Variants in NEBL observed in about 807,000 individuals in gnomAD.
NEBL encodes the protein nebulette, also known as LIM and SH3 protein 2.
NEBL carries 122 observed loss-of-function variants against 140.2 expected under a neutral mutation model. The observed-to-expected ratio is 0.87, with a 90% CI of 0.75 to 1.01. The LOEUF is 1.01. Among genes scored for constraint, NEBL ranks in the 50% least tolerant of loss-of-function variants. The pLI is 0.00. For missense variants in NEBL, 1,365 were observed against 1,231.3 expected (o/e 1.11, Z -1.62); for synonymous variants, 436 against 398.9 (o/e 1.09, Z -1.11).
intron 2 of NEBL, chr10:21,028,931 A>T: frequency 2.1e-6 from 1 of 471,074 alleles, no homozygotes; most frequent in Non-Finnish European, 3.7e-6. Flanking sequence ...AATTCCACTA[A>T]AAAATAGCTA....
chr10:21,174,048 G>A (rs374859608), exon 1 of NEBL: 16 of 1,123,586 alleles, frequency 1.4e-5, no homozygotes, highest in Non-Finnish European at 1.7e-5. Flanking sequence ...GCTCGCAGGC[G>A]CTGGGTCTCG....
At chr10:21,015,598 A>C (rs947911237) in intron 3 of NEBL, among the ~76,000 whole-genome samples, 1 of 152,086 alleles carries the variant, frequency 6.6e-6, no homozygotes, top group Admixed American at 6.6e-5. Context: ...GCAGCCTCCA[A>C]CTCCTGGGCT....
intron 3 of NEBL, among the ~76,000 whole-genome samples, chr10:21,007,007 G>C (rs934314660): frequency 6.6e-6 from 1 of 152,084 alleles, no homozygotes; most frequent in African/African-American, 2.4e-5. Context: ...AAAGAATTTG[G>C]CATCTGATCC....
chr10:20,903,949 C>T lies in NEBL; in HGVS notation c.357+57723G>A, dbSNP rs920638055. ...GTGACAAGTGCACTAAAATCTCAGA[C>T]ATCAACATGATAAAATTCATCCATA... is the stretch of plus-strand genomic sequence containing the variant. On this transcript the variant is annotated intron_variant, in intron 4 of 6. Coordinates refer to the NEBL transcript ENST00000417816. Among the ~76,000 whole-genome samples, 23 of 151,336 alleles carry T rather than the reference C, an allele frequency of 1.5e-4. 1 individual carries two copies. The highest frequency in any genetic ancestry group is 5.6e-4 in the African/African-American group (23 of 40,856).
chr10:20,896,847 CTG>C (rs1185287321), intron 2 of NEBL, 109 bp downstream of exon 2: 2 of 938,206 alleles, frequency 2.1e-6, no homozygotes, highest in African/African-American at 1.6e-5. Flanking sequence ...TGGAAAGTGA[CTG>C]TGTTTTAAAA....
chr10:21,070,522 T>A (rs768873759), intron 2 of NEBL, among the ~76,000 whole-genome samples: 1 of 152,158 alleles, frequency 6.6e-6, no homozygotes, highest in Non-Finnish European at 1.5e-5. Context: ...AAAGAGTACA[T>A]AATATCCTAA....
chr10:21,097,225 G>T lies in NEBL; in HGVS notation c.164+75158C>A, dbSNP rs867621680. Among the ~76,000 whole-genome samples, 64 of 149,250 alleles carry T rather than the reference G, an allele frequency of 4.3e-4. 3 individuals carry two copies. Among genetic ancestry groups the T allele is most frequent in the Middle Eastern group, 3.4e-3 (1 of 292 alleles). On this transcript the variant is annotated intron_variant, in intron 2 of 6. Transcript: ENST00000417816. ...CCCAGCACTTTGGGAGGTCCGGGGG[G>T]GGGGTGGGGCAGATCACAAGGTCAG...
rs192372361 is a variant in NEBL at position 21,180,927 on chromosome 10, C to A, written n.349-8450G>T. On this transcript the variant is annotated intron_variant and non_coding_transcript_variant, in intron 3 of 8. Transcript: ENST00000675702. Reference sequence around the variant, plus strand: ...TGGTAGATTAGAAAATCATTACCTGCAGGCCTGGGACCTCTGCACTGTATT... The same window carrying A: ...TGGTAGATTAGAAAATCATTACCTGAAGGCCTGGGACCTCTGCACTGTATT... 1.7e-4 allele frequency among the ~76,000 whole-genome samples: 26 copies of A among 152,154 alleles called. No homozygotes were observed. The East Asian group carries it at 4.8e-3, about 28-fold the overall frequency.
chr10:21,118,035 C>T (rs889592040), intron 2 of NEBL, among the ~76,000 whole-genome samples: 2 of 152,104 alleles, frequency 1.3e-5, no homozygotes, highest in Admixed American at 6.6e-5. Flanking sequence ...TGGTTGCTAA[C>T]ATAGCCATCA....
chr10:20,867,909 T>C (rs1844467954), intron 7 of NEBL: 1 of 152,112 alleles, frequency 6.6e-6, no homozygotes, highest in South Asian at 2.1e-4. Flanking sequence ...CAATCCCATA[T>C]TGATTTAATT....
intron 2 of NEBL, among the ~76,000 whole-genome samples, chr10:21,142,853 C>A (rs1048547377): frequency 2.0e-5 from 3 of 152,014 alleles, no homozygotes; most frequent in Non-Finnish European, 4.4e-5. Flanking sequence ...ACAGTGTCAT[C>A]CTGAAACCAT....
At chr10:21,148,312 T>C (rs1236556521) in intron 2 of NEBL, among the ~76,000 whole-genome samples, 2 of 152,242 alleles carry the variant, frequency 1.3e-5, no homozygotes, top group African/African-American at 4.8e-5. Flanking sequence ...ACGCTTGTTA[T>C]TTCCTAAGTG....
intron 2 of NEBL, among the ~76,000 whole-genome samples, chr10:21,169,070 ATAT>A (rs1840957888): frequency 1.2e-3 from 52 of 44,206 alleles, no homozygotes; most frequent in African/African-American, 1.5e-3. Flanking sequence ...AAAAAAAAAT[ATAT>A]ATATATATAT....
At chr10:21,056,492 C>A (rs1300487923) in intron 2 of NEBL, among the ~76,000 whole-genome samples, 6 of 152,116 alleles carry the variant, frequency 3.9e-5, no homozygotes, top group Admixed American at 3.9e-4. Flanking sequence ...GTATATGTAG[C>A]CAGTGGGAGG....
intron 1 of NEBL, among the ~76,000 whole-genome samples, chr10:21,282,275 T>C (rs934585325): frequency 6.6e-6 from 1 of 152,136 alleles, no homozygotes. Context: ...AGAGCAGCAA[T>C]CCAGGCCTTG....
intron 2 of NEBL, among the ~76,000 whole-genome samples, chr10:21,079,299 G>C (rs1836258485): frequency 6.6e-6 from 1 of 152,128 alleles, no homozygotes; most frequent in African/African-American, 2.4e-5. Context: ...ACCATCTTGA[G>C]ATTTTAAAAA....
intron 1 of NEBL, among the ~76,000 whole-genome samples, chr10:21,276,133 G>A (rs891266263): frequency 6.6e-6 from 1 of 151,740 alleles, no homozygotes; most frequent in African/African-American, 2.4e-5. Flanking sequence ...ACCATGCCTG[G>A]CTAATTTTTT....
chr10:20,822,909 CAA>C (rs899787745), intron 19 of NEBL, among the ~76,000 whole-genome samples: 1 of 152,104 alleles, frequency 6.6e-6, no homozygotes, highest in Non-Finnish European at 1.5e-5. Context: ...TTGTACCCAA[CAA>C]TATTTCACCT....
chr10:20,929,103 C>T (rs187557592), intron 4 of NEBL, among the ~76,000 whole-genome samples: 54 of 152,118 alleles, frequency 3.5e-4, no homozygotes, highest in African/African-American at 1.1e-3. Context: ...CCAGCAATCC[C>T]GCTACTGGGT....
Sources: gnomAD v4.1 joint callset for allele counts (sites outside exome capture counted in the v4.1 genomes callset) on GRCh38, gnomAD v4.1.1 for gene constraint, MANE v1.5 for transcripts, NCBI Gene and HGNC (gene_info 2026-07-23, HGNC 2026-07-21) for gene names.